The following EBF2 variants were observed in gnomAD, a reference collection of about 807,000 sequenced individuals.
EBF2 encodes transcription factor COE2.
Under a neutral mutation model 72.8 loss-of-function variants are expected in EBF2, and 21 were observed. The observed-to-expected ratio is 0.29, with a 90% CI of 0.20 to 0.42. EBF2 has a LOEUF of 0.42. Among genes scored for constraint, EBF2 ranks in the 10% least tolerant of loss-of-function variants. The pLI is 1.00. For missense variants in EBF2, 637 were observed against 731.2 expected, an observed-to-expected ratio of 0.87 and a Z score of 1.49; for synonymous variants, 299 against 274.2, an observed-to-expected ratio of 1.09 and a Z score of -0.89.
chr8:25,888,752 A>G (rs1385396431), intron 8 of EBF2, among the ~76,000 whole-genome samples: 2 of 152,234 alleles, frequency 1.3e-5, no homozygotes, highest in Non-Finnish European at 2.9e-5. Flanking sequence ...TTTTCAGGCC[A>G]TAACTAAAGT....
intron 8 of EBF2, 105 bp from the exon 9 acceptor site, chr8:25,888,077 A>G (rs1471710027): frequency 6.3e-6 from 8 of 1,277,544 alleles, no homozygotes; most frequent in Non-Finnish European, 8.5e-6. Context: ...GGCCACGTAT[A>G]AAATACACTA....
chr8:25,974,774 A>G (rs903611497), intron 6 of EBF2, among the ~76,000 whole-genome samples: 20 of 152,216 alleles, frequency 1.3e-4, no homozygotes, highest in Middle Eastern at 6.8e-3. Context: ...AGCCAAAAAA[A>G]TACAGTTTTC....
intron 6 of EBF2, among the ~76,000 whole-genome samples, chr8:25,970,948 T>C (rs1478511570): frequency 6.6e-6 from 1 of 152,178 alleles, no homozygotes; most frequent in Non-Finnish European, 1.5e-5. Context: ...CCCTCCCACT[T>C]CAGCCTCCTG....
At chr8:25,888,547 A>C (rs2117291728) in intron 8 of EBF2, among the ~76,000 whole-genome samples, 1 of 152,330 alleles carries the variant, frequency 6.6e-6, no homozygotes, top group Non-Finnish European at 1.5e-5. Flanking sequence ...TAAGATGTTA[A>C]GATTTACAAG....
intron 11 of EBF2, among the ~76,000 whole-genome samples, chr8:25,862,315 T>C (rs1802225816): frequency 6.6e-6 from 1 of 152,200 alleles, no homozygotes; most frequent in Non-Finnish European, 1.5e-5. Context: ...GATACCTACG[T>C]ACATAGTAGG....
At chr8:25,909,973 G>T (rs542247343) in intron 6 of EBF2, among the ~76,000 whole-genome samples, 1 of 152,172 alleles carries the variant, frequency 6.6e-6, no homozygotes, top group East Asian at 1.9e-4. Context: ...CTTTTATAGG[G>T]TGGGTGGGAG....
chr8:25,877,724 C>G (rs1438631322), intron 10 of EBF2, among the ~76,000 whole-genome samples: 1 of 152,076 alleles, frequency 6.6e-6, no homozygotes, highest in Non-Finnish European at 1.5e-5. Flanking sequence ...GAGTCTCCCG[C>G]AGGACTCTCC....
rs780068107 is a variant in EBF2 at position 25,861,187 on chromosome 8, G to A, written c.1204C>T (p.Leu402Phe). The A allele has an allele frequency of 6.2e-7, 1 of 1,613,888 alleles. No individual in the cohort carries two copies. The highest frequency in any genetic ancestry group is 1.1e-5 in the South Asian group (1 of 91,046). ...CTGGGATTCCTGGGGACGCTGTAGA[G>A]AGCTTCAGCAATGTCTGCGGCTCGC... ...LKRAADIAEALYSVPRNPSQL... is the reference protein window; with the variant it reads ...LKRAADIAEAFYSVPRNPSQL... Residue 402 changes from leucine to phenylalanine, a missense_variant, in exon 13 of 16, where the codon CTC becomes TTC. By Grantham distance (22) the Leu-to-Phe change is conservative (BLOSUM62 0). Transcript: ENST00000520164.
chr8:25,902,009 G>C (rs1036531120), intron 7 of EBF2, among the ~76,000 whole-genome samples: 4 of 152,206 alleles, frequency 2.6e-5, no homozygotes, highest in African/African-American at 9.6e-5. Context: ...AATTTCATCA[G>C]TAATATTGGC....
chr8:25,849,139 C>G (rs988319289), intron 15 of EBF2, among the ~76,000 whole-genome samples: 3 of 152,184 alleles, frequency 2.0e-5, no homozygotes, highest in African/African-American at 7.2e-5. Flanking sequence ...CCAGATGTTT[C>G]CAACTACCCA....
intron 6 of EBF2, among the ~76,000 whole-genome samples, chr8:25,951,407 G>A (rs1481803011): frequency 1.3e-5 from 2 of 152,150 alleles, no homozygotes; most frequent in African/African-American, 4.8e-5. Context: ...CTCTGCTCCA[G>A]AATGCTAGTT....
chr8:25,857,932 T>C (rs1802126901), intron 14 of EBF2: 1 of 359,256 alleles, frequency 2.8e-6, no homozygotes, highest in Admixed American at 3.8e-5. Context: ...TCCTTGTCTA[T>C]AACATGAAGA....
chr8:25,912,670 T>C lies in EBF2; in HGVS notation c.552-4115A>G, dbSNP rs116787086. 8.7e-3 allele frequency among the ~76,000 whole-genome samples: 1,318 copies of C among 152,236 alleles called. 19 individuals carry two copies. Among genetic ancestry groups the C allele is most frequent in the African/African-American group, 0.03 (1,253 of 41,532 alleles). On this transcript the variant is annotated intron_variant, in intron 6 of 15. Coordinates refer to ENST00000520164, the MANE Select transcript of EBF2 (RefSeq NM_022659.4). ...CATTTATTTACTCATTTGATCAATA[T>C]GTATTGTGCTCTGTGTGCCAGAAAG...
At chr8:25,892,654 C>A (rs949152936) in intron 7 of EBF2, among the ~76,000 whole-genome samples, 13 of 152,198 alleles carry the variant, frequency 8.5e-5, no homozygotes, top group Admixed American at 1.3e-4. Flanking sequence ...TCCCTAAAAC[C>A]CATGAGTCCA....
intron 7 of EBF2, among the ~76,000 whole-genome samples, chr8:25,905,698 G>A (rs1021530393): frequency 2.0e-5 from 3 of 152,196 alleles, no homozygotes; most frequent in Non-Finnish European, 4.4e-5. Context: ...GGAACTGGGA[G>A]ACATGAGATT....
intron 13 of EBF2, among the ~76,000 whole-genome samples, chr8:25,858,824 C>T (rs1802152569): frequency 1.3e-5 from 2 of 151,820 alleles, no homozygotes; most frequent in South Asian, 4.2e-4. Flanking sequence ...TTGCGCCCGG[C>T]TAATTTTTGT....
chr8:26,032,011 C>G (rs1313456521), intron 6 of EBF2: 1 of 152,212 alleles, frequency 6.6e-6, no homozygotes, highest in Non-Finnish European at 1.5e-5. Flanking sequence ...ATTTGCCCAT[C>G]ATCCTCTTCA....
chr8:25,903,187 G>GTTTTTTTTTTTTT (rs542446501), intron 7 of EBF2, among the ~76,000 whole-genome samples: 1 of 132,526 alleles, frequency 7.5e-6, no homozygotes. Context: ...TTTTGTCTGG[G>GTTTTTTTTTTTTT]TTTTTTTTTT....
At chr8:25,996,705 C>T (rs1382387412) in intron 6 of EBF2, among the ~76,000 whole-genome samples, 1 of 151,806 alleles carries the variant, frequency 6.6e-6, no homozygotes, top group Non-Finnish European at 1.5e-5. Flanking sequence ...TTAAAGTAGA[C>T]CATAATTAAG....
Sources: gnomAD v4.1 joint callset for allele counts (sites outside exome capture counted in the v4.1 genomes callset) on GRCh38, gnomAD v4.1.1 for gene constraint, MANE v1.5 for transcripts, NCBI Gene and HGNC (gene_info 2026-07-23, HGNC 2026-07-21) for gene names.